CANT1: variants seen among roughly 807,000 people sequenced by gnomAD.
CANT1 encodes the protein soluble calcium-activated nucleotidase 1.
A neutral mutation model predicts 30.0 loss-of-function variants in CANT1; 26 were observed. That is an observed-to-expected ratio of 0.87 (90% confidence interval 0.64 to 1.20). The LOEUF is 1.20. Among genes scored for constraint, CANT1 ranks in the 50% most tolerant of loss-of-function variants. CANT1 has a pLI of 0.00. For synonymous variants in CANT1, 246 were observed against 251.8 expected, an observed-to-expected ratio of 0.98 and a Z score of 0.22; for missense variants, 518 against 563.0, an observed-to-expected ratio of 0.92 and a Z score of 0.81.
chr17:78,993,622 C>T lies in CANT1; in HGVS notation c.1134G>A (p.Thr378=), dbSNP rs35324359. 526 of 1,614,262 alleles carry T rather than the reference C, an allele frequency of 3.3e-4. 1 individual carries two copies. In the African/African-American group the frequency reaches 4.3e-3, roughly 13 times the overall value. The change falls in exon 5 of 5, where the codon ACG becomes ACA. Residue 378 remains threonine, a synonymous_variant. Coordinates refer to ENST00000392446, the MANE Select transcript of CANT1 (RefSeq NM_001159773.2). This position sits in a 1 kb window ranked among gnomAD's most constrained non-coding sequence, Gnocchi z 4.5. ...CCGGCAACAGGAAGCGCCCGTCCAG[C>T]GTGAAGGCCATGATGTAGGAGGCGA... is the stretch of plus-strand genomic sequence containing the variant. ...GRVASYIMAF[T]LDGRFLLPET... is the part of the protein sequence containing the mutation.
At position 78,995,762 on chromosome 17, in the gene CANT1, T is replaced by C. The variant is rs1019889695; in HGVS notation, c.632-541A>G. Among the ~76,000 whole-genome samples the C allele has an allele frequency of 6.6e-6, 1 of 152,232 alleles. No homozygotes were observed. Among genetic ancestry groups the C allele is most frequent in the Non-Finnish European group, 1.5e-5 (1 of 68,042 alleles). On this transcript the variant is annotated intron_variant, in intron 3 of 4. Coordinates refer to ENST00000392446, the MANE Select transcript of CANT1 (RefSeq NM_001159773.2). The surrounding 1 kb of genome is among the most constrained non-coding windows in gnomAD (Gnocchi z 5.7). ...TCAGGCTGTGTGGGAGCCTGTGTTC[T>C]ACCGTGTATTCTTATCATCCCTACA...
intron 1 of CANT1, among the ~76,000 whole-genome samples, chr17:79,006,649 C>T (rs979142666): frequency 5.3e-5 from 8 of 152,282 alleles, no homozygotes; most frequent in African/African-American, 7.2e-5. Flanking sequence ...TTTGTATCAT[C>T]GATGTTACAC....
In CANT1 at chr17:78,997,991, G is replaced by T; in HGVS notation, c.-146-28C>A. On this transcript the variant is annotated intron_variant, in intron 1 of 4. Coordinates refer to ENST00000392446, the MANE Select transcript of CANT1 (RefSeq NM_001159773.2). The surrounding 1 kb of genome is among the most constrained non-coding windows in gnomAD (Gnocchi z 7.5). ...AAAGAGAGAAGCGCAGGAGAGTCAG[G>T]TGGGAGGGGAAGGCTGACGGGGTGA... is the stretch of plus-strand genomic sequence containing the variant. 3.7e-6 allele frequency: 1 copy of T among 272,280 alleles called. No individual in the cohort carries two copies. 16.9% of individuals were successfully genotyped at this position (272,280 alleles called of 1,614,324 possible). A position where few individuals can be genotyped will look rare whatever the true frequency, so the allele number is the denominator to read the frequency against.
At position 78,995,054 on chromosome 17, in the gene CANT1, T is replaced by A. The variant is rs1428151395; in HGVS notation, c.799A>T (p.Asn267Tyr). ...VDHENWVSNY[N>Y]ALRAAAGIQP... ...ATGCCGGCAGCAGCCCGCAGGGCGT[T>A]GTAGTTGGACACCCAGTTCTCGTGG... Residue 267 changes from asparagine to tyrosine, a missense_variant, in exon 4 of 5, where the codon AAC (asparagine) becomes TAC (tyrosine). Physicochemically the swap from Asn to Tyr is moderately radical, Grantham distance 143. Around this residue, in one of 3 missense-constraint regions of CANT1, gnomAD observed 221 missense variants for 211.8 expected, o/e 1.04. Transcript: ENST00000392446. The surrounding 1 kb of genome is among the most constrained non-coding windows in gnomAD (Gnocchi z 5.7). 2 of 1,600,038 alleles carry A rather than the reference T, an allele frequency of 1.2e-6. No individual in the cohort carries two copies. The highest frequency in any genetic ancestry group is 2.7e-5 in the African/African-American group (2 of 74,758).
At position 78,992,346 on chromosome 17, in the gene CANT1, A is replaced by C. The variant is rs984974395; in HGVS notation, c.*1204T>G. On this transcript the variant is annotated 3_prime_UTR_variant, in exon 5 of 5. Coordinates refer to ENST00000392446, the MANE Select transcript of CANT1 (RefSeq NM_001159773.2). ...GTGAGGGTGGGGGTCGGGGTGAGGT[A>C]GTGCTGTGGGGAGGGCACTGTGAAT... The C allele has an allele frequency of 7.8e-6, 2 of 254,894 alleles. No individual in the cohort carries two copies. The highest frequency in any genetic ancestry group is 1.5e-5 in the Non-Finnish European group (2 of 129,828). 15.8% of individuals were successfully genotyped at this position (254,894 alleles called of 1,614,324 possible).
chr17:79,007,665 C>T (rs576423431), intron 1 of CANT1, among the ~76,000 whole-genome samples: 72 of 152,234 alleles, frequency 4.7e-4, no homozygotes, highest in Non-Finnish European at 9.0e-4. Context: ...GCTGCTACCA[C>T]ACCCTGGGTC....
In CANT1 at chr17:78,993,303, C is replaced by T; in HGVS notation, c.*247G>A. The T allele has an allele frequency of 1.8e-6, 1 of 554,356 alleles. No homozygotes were observed. Among genetic ancestry groups the T allele is most frequent in the Non-Finnish European group, 3.2e-6 (1 of 309,532 alleles). The allele number at this position is 554,356 out of a possible 1,614,324, so 34.3% of individuals were successfully genotyped here. On this transcript the variant is annotated 3_prime_UTR_variant, in exon 5 of 5. Coordinates refer to ENST00000392446, the MANE Select transcript of CANT1 (RefSeq NM_001159773.2). This position sits in a 1 kb window ranked among gnomAD's most constrained non-coding sequence, Gnocchi z 4.5. Reference sequence around the variant, plus strand: ...AAACGACCCAGCCAGTTAGGCAGGCCTTGAGTCAATGCCTGAAGTGACCGA... The same window carrying T: ...AAACGACCCAGCCAGTTAGGCAGGCTTTGAGTCAATGCCTGAAGTGACCGA...
chr17:78,993,620 A>G lies in CANT1; in HGVS notation c.1136T>C (p.Leu379Pro), dbSNP rs1178065365. The change falls in exon 5 of 5, where the codon CTG (leucine) becomes CCG (proline). Residue 379 changes from leucine to proline, a missense_variant. By Grantham distance (98) the Leu-to-Pro change is moderately conservative. Coordinates refer to ENST00000392446, the MANE Select transcript of CANT1 (RefSeq NM_001159773.2). The surrounding 1 kb of genome is among the most constrained non-coding windows in gnomAD (Gnocchi z 4.5). ...RVASYIMAFT[L>P]DGRFLLPETK... ...CTCCGGCAACAGGAAGCGCCCGTCC[A>G]GCGTGAAGGCCATGATGTAGGAGGC... 6.2e-7 allele frequency: 1 copy of G among 1,614,152 alleles called. No individual in the cohort carries two copies. The highest frequency in any genetic ancestry group is 1.3e-5 in the African/African-American group (1 of 74,958).
In CANT1 at chr17:78,996,721, G is replaced by A. The variant is rs954134500; in HGVS notation, c.631+271C>T. Among the ~76,000 whole-genome samples the A allele has an allele frequency of 6.6e-6, 1 of 152,148 alleles. No individual in the cohort carries two copies. Among genetic ancestry groups the A allele is most frequent in the Admixed American group, 6.5e-5 (1 of 15,276 alleles). On this transcript the variant is annotated intron_variant, in intron 3 of 4. Transcript: ENST00000392446. The surrounding 1 kb of genome is among the most constrained non-coding windows in gnomAD (Gnocchi z 5.1). ...TCCGAGAGCAGCAGCGGATACAGCC[G>A]AAAACATCTTGGAGAGATTCCCCAC...
rs1457650248 is a variant in CANT1 at position 78,993,853 on chromosome 17, G to A, written c.903C>T (p.Arg301=). ...TLQRWFFLPR[R]ASQERYSEKD... The stretch of plus-strand genomic sequence containing the variant: ...TCTCGCTGTAGCGCTCCTGGCTGGC[G>A]CGGCGCGGCAGGAAGAACCAGCGCT... The change falls in exon 5 of 5, where the codon CGC becomes CGT. Residue 301 remains arginine, a synonymous_variant. Transcript: ENST00000392446. The surrounding 1 kb of genome is among the most constrained non-coding windows in gnomAD (Gnocchi z 4.5). The A allele has an allele frequency of 6.3e-7, 1 of 1,599,416 alleles. No individual in the cohort carries two copies. The highest frequency in any genetic ancestry group is 1.3e-5 in the African/African-American group (1 of 74,920).
chr17:78,993,751 G>C lies in CANT1; in HGVS notation c.1005C>G (p.Val335=). The C allele has an allele frequency of 2.5e-6, 4 of 1,613,746 alleles. No individual in the cohort carries two copies. The highest frequency in any genetic ancestry group is 3.4e-6 in the Non-Finnish European group (4 of 1,180,048). Residue 335 remains valine (V), a synonymous_variant, in exon 5 of 5, where the codon GTC becomes GTG. Coordinates refer to ENST00000392446, the MANE Select transcript of CANT1 (RefSeq NM_001159773.2). This position sits in a 1 kb window ranked among gnomAD's most constrained non-coding sequence, Gnocchi z 4.5. ...AGCCGTGAGTGGGGACCACCGCCCC[G>C]ACGTGGCTCACAGCGATGTCGCCGA... ...PDFGDIAVSH[V]GAVVPTHGFS...
chr17:78,993,793 C>T lies in CANT1; in HGVS notation c.963G>A (p.Leu321=). 1 of 1,611,606 alleles carries T rather than the reference C, an allele frequency of 6.2e-7. No individual in the cohort carries two copies. Among genetic ancestry groups the T allele is most frequent in the Non-Finnish European group, 8.5e-7 (1 of 1,179,512 alleles). ...DDERKGANLL[L]SASPDFGDIA... ...TGTCGCCGAAGTCAGGGGAGGCGCT[C>T]AGCAGCAGGTTGGCGCCCTTGCGCT... The change falls in exon 5 of 5, where the codon CTG becomes CTA. Residue 321 remains leucine (L), a synonymous_variant. Transcript: ENST00000392446. The surrounding 1 kb of genome is among the most constrained non-coding windows in gnomAD (Gnocchi z 4.5).
chr17:79,004,019 A>G (rs1400332130), intron 1 of CANT1, among the ~76,000 whole-genome samples: 2 of 24,952 alleles, frequency 8.0e-5, no homozygotes, highest in African/African-American at 4.1e-4. Context: ...GGAAGAGGGG[A>G]GTTAGGGAGA....
At position 78,998,088 on chromosome 17, in the gene CANT1, C is replaced by T. The variant is rs2071105049; in HGVS notation, c.-146-125G>A. ...ATGCCACCTCATCCAGGAAGCCCTC[C>T]CTGACTGCCCTGCTGCAGACATCAC... is the stretch of plus-strand genomic sequence containing the variant. On this transcript the variant is annotated intron_variant, in intron 1 of 4. Transcript: ENST00000392446. The surrounding 1 kb of genome is among the most constrained non-coding windows in gnomAD (Gnocchi z 4.5). 10 of 193,676 alleles carry T rather than the reference C, an allele frequency of 5.2e-5. No individual in the cohort carries two copies. The East Asian group carries it at 8.4e-4, about 16-fold the overall frequency. The allele number at this position is 193,676 out of a possible 1,614,324, so 12.0% of individuals were successfully genotyped here. A position where few individuals can be genotyped will look rare whatever the true frequency, so the allele number is the denominator to read the frequency against.
At position 78,997,123 on chromosome 17, in the gene CANT1, A is replaced by G; in HGVS notation, c.500T>C (p.Leu167Pro). ...HLAEKGRGME[L>P]SDLIVFNGKL... ...CCCATTGAAAACAATCAGGTCGGAT[A>G]GCTCCATGCCTCTCCCCTTCTCCGC... is the stretch of plus-strand genomic sequence containing the variant. The change falls in exon 3 of 5, where the codon CTA becomes CCA. Residue 167 changes from leucine (L) to proline (P), a missense_variant. Leu to Pro is a moderately conservative substitution (Grantham distance 98). Around this residue, in one of 3 missense-constraint regions of CANT1, gnomAD observed 249 missense variants for 268.8 expected, o/e 0.93. Transcript: ENST00000392446. This position sits in a 1 kb window ranked among gnomAD's most constrained non-coding sequence, Gnocchi z 7.5. The G allele has an allele frequency of 6.2e-7, 1 of 1,614,226 alleles. No individual in the cohort carries two copies. The highest frequency in any genetic ancestry group is 8.5e-7 in the Non-Finnish European group (1 of 1,180,040).
In CANT1 at chr17:78,996,947, C is replaced by T. The variant is rs548715555; in HGVS notation, c.631+45G>A. On this transcript the variant is annotated intron_variant, in intron 3 of 4. Transcript: ENST00000392446. This position sits in a 1 kb window ranked among gnomAD's most constrained non-coding sequence, Gnocchi z 5.1. ...GTGTTTGCCAGCCAGGCCCTGAGCT[C>T]CCACTCCCCACCCACACCTCCATAA... The T allele has an allele frequency of 2.4e-5, 39 of 1,610,608 alleles. No homozygotes were observed. The South Asian group carries it at 3.8e-4, about 16-fold the overall frequency.
chr17:79,005,821 C>T (rs58845464), intron 1 of CANT1: 5,147 of 152,330 alleles, frequency 0.034, 264 homozygotes, highest in East Asian at 0.27. Context: ...GGCCTTCACA[C>T]ACTCATGCTA....
Position 78,992,735 on chromosome 17 carries a change from ACCG to A in CANT1, c.*812_*814del, listed in dbSNP as rs2070881573. 1 of 596,396 alleles carries A rather than the reference ACCG, an allele frequency of 1.7e-6. No homozygotes were observed. Among genetic ancestry groups the A allele is most frequent in the Non-Finnish European group, 3.2e-6 (1 of 308,188 alleles). The allele number at this position is 596,396 out of a possible 1,614,324, so 36.9% of individuals were successfully genotyped here. On this transcript the variant is annotated 3_prime_UTR_variant, in exon 5 of 5. Coordinates refer to ENST00000392446, the MANE Select transcript of CANT1 (RefSeq NM_001159773.2). Reference sequence around the variant, plus strand: ...TGTGAGACTTGCTTCACCAGCCGCCACCGCTTCCTTACAATCTCCCGCACTGCT... The same window carrying A: ...TGTGAGACTTGCTTCACCAGCCGCCACTTCCTTACAATCTCCCGCACTGCT...
In CANT1 at chr17:79,008,834, A is replaced by G. The variant is rs1156496337; in HGVS notation, c.-147+830T>C. 6.6e-6 allele frequency among the ~76,000 whole-genome samples: 1 copy of G among 152,174 alleles called. No homozygotes were observed. The highest frequency in any genetic ancestry group is 6.5e-5 in the Admixed American group (1 of 15,282). On this transcript the variant is annotated intron_variant, in intron 1 of 4. Transcript: ENST00000392446. The surrounding 1 kb of genome is among the most constrained non-coding windows in gnomAD (Gnocchi z 4.4). ...TGAGACAGGTATGGTGGGGAGGGCGAATCATTTGCATGCAGGAAGATGAGA... is the reference window on the plus strand; with the variant it reads ...TGAGACAGGTATGGTGGGGAGGGCGGATCATTTGCATGCAGGAAGATGAGA...
Sources: gnomAD v4.1 joint callset for allele counts (sites outside exome capture counted in the v4.1 genomes callset) on GRCh38, gnomAD v4.1.1 for gene constraint, gnomAD v4.1.1 regional missense constraint, Gnocchi (gnomAD v3.1) non-coding constraint, MANE v1.5 for transcripts, NCBI Gene and HGNC (gene_info 2026-07-23, HGNC 2026-07-21) for gene names.